The following EEFSEC variants were observed in gnomAD, a reference collection of about 807,000 sequenced individuals.
EEFSEC encodes selenocysteine-specific elongation factor.
Under a neutral mutation model 42.1 loss-of-function variants are expected in EEFSEC, and 43 were observed. That is an observed-to-expected ratio of 1.02 (90% CI 0.80 to 1.32). EEFSEC has a LOEUF of 1.32. Ranked by LOEUF, EEFSEC falls within the 40% of genes most tolerant of loss-of-function variation. The probability of loss-of-function intolerance (pLI) is 0.00; values close to 1 mark genes in which losing one functional copy is unlikely to be tolerated. For synonymous variants in EEFSEC, 354 were observed against 339.1 expected (o/e 1.04, Z -0.48); for missense variants, 745 against 803.6 (o/e 0.93, Z 0.88).
chr3:128,417,103 G>C, the EEFSEC span, among the ~76,000 whole-genome samples: 1 of 152,114 alleles, frequency 6.6e-6, no homozygotes, highest in African/African-American at 2.4e-5. The surrounding 1 kb of genome is among the most constrained non-coding windows in gnomAD (Gnocchi z 4.3). Context: ...AGCCCAGCCA[G>C]ACCCAATCAC....
chr3:128,198,334 G>A (rs2065607670), intron 1 of EEFSEC, among the ~76,000 whole-genome samples: 1 of 152,214 alleles, frequency 6.6e-6, no homozygotes. Context: ...ACATCTTACA[G>A]TGCCTCTTAG....
intron 5 of EEFSEC, among the ~76,000 whole-genome samples, chr3:128,349,408 G>GC (rs903853626): frequency 1.3e-5 from 2 of 152,216 alleles, no homozygotes; most frequent in Non-Finnish European, 2.9e-5. Flanking sequence ...GTCTGGAGCC[G>GC]CAGAGCTCAA....
At chr3:128,322,808 G>A (rs1245696909) in intron 4 of EEFSEC, among the ~76,000 whole-genome samples, 1 of 152,152 alleles carries the variant, frequency 6.6e-6, no homozygotes, top group Non-Finnish European at 1.5e-5. Context: ...GAAGCACAGG[G>A]GTGGTTTGGA....
chr3:128,188,875 C>G (rs2065491421), intron 1 of EEFSEC, among the ~76,000 whole-genome samples: 1 of 152,162 alleles, frequency 6.6e-6, no homozygotes, highest in African/African-American at 2.4e-5. Flanking sequence ...TCCTCCAGCC[C>G]CGCTCACCTG....
At chr3:128,304,883 T>G (rs946606197) in intron 4 of EEFSEC, among the ~76,000 whole-genome samples, 25 of 152,154 alleles carry the variant, frequency 1.6e-4, no homozygotes, top group South Asian at 2.1e-4. Context: ...TTTGTATTTT[T>G]TGTAGAAACA....
chr3:128,212,886 C>A (rs1409699807), intron 1 of EEFSEC, among the ~76,000 whole-genome samples: 2 of 152,234 alleles, frequency 1.3e-5, no homozygotes, highest in East Asian at 3.9e-4. Flanking sequence ...TGGGCTGGCG[C>A]TGCCACATCA....
At chr3:128,173,583 T>C (rs2065320090) in intron 1 of EEFSEC, among the ~76,000 whole-genome samples, 1 of 152,224 alleles carries the variant, frequency 6.6e-6, no homozygotes, top group African/African-American at 2.4e-5. Context: ...AGTGCTCCCC[T>C]TTTAAAAGAG....
chr3:128,244,487 T>C (rs897116883), intron 1 of EEFSEC, among the ~76,000 whole-genome samples: 30 of 149,596 alleles, frequency 2.0e-4, no homozygotes, highest in Admixed American at 1.5e-3. Flanking sequence ...TTTTTTTTTT[T>C]CCAGTGGACA....
intron 5 of EEFSEC, among the ~76,000 whole-genome samples, chr3:128,353,438 G>A (rs1465014490): frequency 6.6e-6 from 1 of 152,026 alleles, no homozygotes; most frequent in Admixed American, 6.5e-5. Context: ...TTGAGGGCCA[G>A]GATCTGCCCT....
intron 1 of EEFSEC, among the ~76,000 whole-genome samples, chr3:128,245,333 G>GGCTGTTCTGT (rs2066116115): frequency 6.6e-6 from 1 of 152,216 alleles, no homozygotes; most frequent in African/African-American, 2.4e-5. Context: ...GTTTTTAATA[G>GGCTGTTCTGT]TCTGTTCTGT....
chr3:128,359,394 T>G (rs1258964958), intron 6 of EEFSEC, among the ~76,000 whole-genome samples: 2 of 152,126 alleles, frequency 1.3e-5, no homozygotes, highest in Non-Finnish European at 2.9e-5. Context: ...CACTATCTTT[T>G]TTTTAGAGAA....
At chr3:128,327,713 C>G (rs890307501) in intron 4 of EEFSEC, among the ~76,000 whole-genome samples, 1 of 152,132 alleles carries the variant, frequency 6.6e-6, no homozygotes, top group East Asian at 1.9e-4. Flanking sequence ...GAGCACTGCA[C>G]AGATGCAGGA....
intron 6 of EEFSEC, among the ~76,000 whole-genome samples, chr3:128,373,499 G>A (rs1286975655): frequency 6.6e-6 from 1 of 152,198 alleles, no homozygotes; most frequent in Non-Finnish European, 1.5e-5. Context: ...ATCTAGCCCT[G>A]GGCCAGAGTG....
chr3:128,211,570 C>T (rs1413874104), intron 1 of EEFSEC, among the ~76,000 whole-genome samples: 1 of 151,282 alleles, frequency 6.6e-6, no homozygotes, highest in Non-Finnish European at 1.5e-5. Context: ...GATCTCAGTA[C>T]AGTGGTGTGA....
chr3:128,290,802 A>G (rs1006780659), intron 4 of EEFSEC, among the ~76,000 whole-genome samples: 7 of 152,008 alleles, frequency 4.6e-5, no homozygotes, highest in African/African-American at 1.2e-4. Flanking sequence ...CTGGAGTGCA[A>G]TGGTGCAACC....
intron 5 of EEFSEC, among the ~76,000 whole-genome samples, chr3:128,349,239 G>T (rs1486608330): frequency 6.6e-6 from 1 of 152,152 alleles, no homozygotes; most frequent in African/African-American, 2.4e-5. Flanking sequence ...GCAGGGGGGA[G>T]TAATGCAGGT....
chr3:128,306,336 G>A (rs998928887), intron 4 of EEFSEC, among the ~76,000 whole-genome samples: 6 of 152,048 alleles, frequency 3.9e-5, no homozygotes, highest in African/African-American at 1.4e-4. Flanking sequence ...CCTACAATTT[G>A]TGCTTTACAA....
intron 4 of EEFSEC, among the ~76,000 whole-genome samples, chr3:128,298,894 A>C (rs1380583233): frequency 6.6e-6 from 1 of 152,216 alleles, no homozygotes; most frequent in East Asian, 1.9e-4. Context: ...GCAGATGACA[A>C]GATTTCATTC....
chr3:128,400,241 G>T lies in EEFSEC; in HGVS notation c.1601-7828G>T, dbSNP rs1397585783. Among the ~76,000 whole-genome samples the T allele has an allele frequency of 2.6e-5, 4 of 152,188 alleles. No individual in the cohort carries two copies. The South Asian group carries it at 6.2e-4, about 24-fold the overall frequency. ...GCAGGGCAGCTTCCTACCTTGGGGT[G>T]GAGGGGAACTTGACATTGGAGCCCA... is the stretch of plus-strand genomic sequence containing the variant. On this transcript the variant is annotated intron_variant, in intron 6 of 6. Transcript: ENST00000254730.
Sources: allele counts gnomAD v4.1 joint callset (sites outside exome capture counted in the v4.1 genomes callset), GRCh38; gene constraint gnomAD v4.1.1; non-coding constraint Gnocchi (gnomAD v3.1); transcripts MANE v1.5; gene names NCBI Gene and HGNC (gene_info 2026-07-23, HGNC 2026-07-21).